PKIA: variants seen among roughly 807,000 people sequenced by gnomAD.
The protein encoded by PKIA is cAMP-dependent protein kinase inhibitor alpha.
A neutral mutation model predicts 7.6 loss-of-function variants in PKIA; 4 were observed. The ratio of observed to expected loss-of-function variants is 0.52; its 90% CI spans 0.26 to 1.20. PKIA has a LOEUF of 1.20. Ranked by LOEUF, PKIA falls within the 50% of genes most tolerant of loss-of-function variation. The pLI is 0.13. For synonymous variants in PKIA, 21 were observed against 30.7 expected (o/e 0.68, Z 1.04); for missense variants, 73 against 86.2 (o/e 0.85, Z 0.61).
At chr8:78,566,821 G>A (rs1422863100) in intron 1 of PKIA, among the ~76,000 whole-genome samples, 1 of 152,062 alleles carries the variant, frequency 6.6e-6, no homozygotes, top group Non-Finnish European at 1.5e-5. Flanking sequence ...CATGCCCGTG[G>A]CAAACAATAA....
intron 1 of PKIA, among the ~76,000 whole-genome samples, chr8:78,568,786 G>C (rs1333363620): frequency 6.6e-6 from 1 of 152,128 alleles, no homozygotes; most frequent in African/African-American, 2.4e-5. Flanking sequence ...CTTTCTGGCA[G>C]TATGTACACC....
chr8:78,585,391 A>G (rs754109423), intron 2 of PKIA, among the ~76,000 whole-genome samples: 20 of 152,160 alleles, frequency 1.3e-4, no homozygotes, highest in Non-Finnish European at 2.8e-4. Context: ...AAACAAGTGT[A>G]TGGAAAATCT....
intron 2 of PKIA, among the ~76,000 whole-genome samples, chr8:78,587,323 G>T (rs531303438): frequency 6.6e-6 from 1 of 152,262 alleles, no homozygotes; most frequent in South Asian, 2.1e-4. Flanking sequence ...CCAGCCCCAG[G>T]CCCTTAATGC....
At chr8:78,546,226 T>C (rs1227053539) in intron 1 of PKIA, among the ~76,000 whole-genome samples, 2 of 152,182 alleles carry the variant, frequency 1.3e-5, no homozygotes, top group Non-Finnish European at 2.9e-5. Context: ...CCTTGCAAAA[T>C]TGCTTCCCCT....
Position 78,604,705 on chromosome 8 carries a change from T to G in PKIA, c.*2884T>G. On this transcript the variant is annotated 3_prime_UTR_variant, in exon 4 of 4. Coordinates refer to ENST00000396418, the MANE Select transcript of PKIA (RefSeq NM_006823.4). ...TCATATTTTTTATGTTTCATGCTAC[T>G]CATTTTGTTTAATTACCAACAAACA... The G allele has an allele frequency of 6.6e-6, 1 of 152,074 alleles. No individual in the cohort carries two copies. Among genetic ancestry groups the G allele is most frequent in the East Asian group, 1.9e-4 (1 of 5,190 alleles). The allele number at this position is 152,074 out of a possible 1,614,324, so 9.4% of individuals were successfully genotyped here.
chr8:78,593,342 C>T (rs1369973745), intron 2 of PKIA, among the ~76,000 whole-genome samples: 12 of 152,180 alleles, frequency 7.9e-5, no homozygotes, highest in East Asian at 1.9e-4. Context: ...AGGGTGGTTT[C>T]GAACTCCTGA....
At chr8:78,591,862 G>A (rs912952211) in intron 2 of PKIA, among the ~76,000 whole-genome samples, 1 of 152,044 alleles carries the variant, frequency 6.6e-6, no homozygotes, top group Non-Finnish European at 1.5e-5. Context: ...TCCAGATTTT[G>A]TCCTGATTAT....
intron 1 of PKIA, among the ~76,000 whole-genome samples, chr8:78,545,142 C>A (rs1325942158): frequency 6.6e-6 from 1 of 152,008 alleles, no homozygotes; most frequent in African/African-American, 2.4e-5. Flanking sequence ...AATGAAAATA[C>A]CTATAATAGG....
At chr8:78,519,179 TAAA>T (rs368638245) in intron 1 of PKIA, among the ~76,000 whole-genome samples, 2 of 135,004 alleles carry the variant, frequency 1.5e-5, no homozygotes. Flanking sequence ...TCCAATTGTG[TAAA>T]AAAAAAAAAA....
intron 2 of PKIA, among the ~76,000 whole-genome samples, chr8:78,587,625 G>T (rs1449982221): frequency 6.6e-6 from 1 of 152,088 alleles, no homozygotes; most frequent in Non-Finnish European, 1.5e-5. Context: ...ATTATTCCAT[G>T]CTTTAATTTG....
chr8:78,556,336 G>A (rs926952417), intron 1 of PKIA, among the ~76,000 whole-genome samples: 2 of 151,862 alleles, frequency 1.3e-5, no homozygotes, highest in Admixed American at 6.6e-5. Context: ...ATACAACTAC[G>A]AATTAGTATT....
intron 1 of PKIA, among the ~76,000 whole-genome samples, chr8:78,568,622 C>G (rs572943125): frequency 8.5e-5 from 13 of 152,212 alleles, no homozygotes; most frequent in East Asian, 5.8e-4. Context: ...GCAATGAGTT[C>G]CCTGTTTTCT....
Position 78,589,484 on chromosome 8 carries a change from GA to G in PKIA, c.-27-8869del, listed in dbSNP as rs1409350174. The stretch of plus-strand genomic sequence containing the variant: ...TTTTACGTGTTAAACATTGTAGGGG[GA>G]AAAAGTATTTGAGTCTGATCTAAAG... On this transcript the variant is annotated intron_variant, in intron 2 of 3. Transcript: ENST00000396418. Among the ~76,000 whole-genome samples the G allele has an allele frequency of 4.0e-5, 6 of 151,894 alleles. 1 individual carries two copies. The East Asian group carries it at 5.8e-4, about 15-fold the overall frequency.
At chr8:78,562,767 C>G (rs1395707186) in intron 1 of PKIA, among the ~76,000 whole-genome samples, 3 of 151,974 alleles carry the variant, frequency 2.0e-5, no homozygotes, top group Non-Finnish European at 4.4e-5. Flanking sequence ...ACCACCCTCC[C>G]CCACCCCACT....
intron 1 of PKIA, among the ~76,000 whole-genome samples, chr8:78,545,171 A>AT (rs996338168): frequency 7.2e-5 from 11 of 152,142 alleles, no homozygotes; most frequent in African/African-American, 2.7e-4. Context: ...AATAGAAATG[A>AT]TTTTTTTAAA....
intron 2 of PKIA, among the ~76,000 whole-genome samples, chr8:78,576,597 AAAATT>A (rs1807678688): frequency 1.3e-5 from 2 of 151,976 alleles, no homozygotes; most frequent in African/African-American, 2.4e-5. Context: ...AAAATAAAAT[AAAATT>A]AAATTAAAAT....
At chr8:78,544,397 A>G (rs567089268) in intron 1 of PKIA, among the ~76,000 whole-genome samples, 5 of 152,108 alleles carry the variant, frequency 3.3e-5, no homozygotes, top group Non-Finnish European at 7.4e-5. Flanking sequence ...ATGGGCCACA[A>G]TCTACTTTGG....
At chr8:78,552,361 G>A (rs1166411162) in intron 1 of PKIA, among the ~76,000 whole-genome samples, 1 of 148,836 alleles carries the variant, frequency 6.7e-6, no homozygotes, top group Non-Finnish European at 1.5e-5. Flanking sequence ...GTTGCATACT[G>A]GAAGGAAGGA....
chr8:78,578,916 C>T (rs1048100628), intron 2 of PKIA, among the ~76,000 whole-genome samples: 10 of 152,144 alleles, frequency 6.6e-5, no homozygotes, highest in South Asian at 2.1e-4. Flanking sequence ...ATTCCCATTT[C>T]CCACTAAATA....
Sources: gnomAD v4.1 joint callset for allele counts (sites outside exome capture counted in the v4.1 genomes callset) on GRCh38, gnomAD v4.1.1 for gene constraint, MANE v1.5 for transcripts, NCBI Gene and HGNC (gene_info 2026-07-23, HGNC 2026-07-21) for gene names.